Variants in BCAT1 observed in about 807,000 individuals in gnomAD.
The protein encoded by BCAT1 is branched chain amino acid transaminase 1, also known as branched-chain-amino-acid aminotransferase, cytosolic.
A neutral mutation model predicts 52.4 loss-of-function variants in BCAT1; 48 were observed. The ratio of observed to expected loss-of-function variants is 0.92; its 90% CI spans 0.73 to 1.16. The LOEUF is 1.16. Among genes scored for constraint, BCAT1 ranks in the 50% most tolerant of loss-of-function variants. The probability of loss-of-function intolerance (pLI) is 0.00; values close to 1 mark genes in which losing one functional copy is unlikely to be tolerated. For synonymous variants in BCAT1, 167 were observed against 161.3 expected (o/e 1.04, Z -0.27); for missense variants, 451 against 457.1 (o/e 0.99, Z 0.12).
intron 5 of BCAT1, among the ~76,000 whole-genome samples, chr12:24,853,842 T>G (rs977309931): frequency 1.3e-5 from 2 of 152,138 alleles, no homozygotes; most frequent in African/African-American, 4.8e-5. Context: ...CTCTACTAGC[T>G]TCCTGGAATA....
intron 1 of BCAT1, among the ~76,000 whole-genome samples, chr12:24,910,206 T>C (rs1943296085): frequency 6.6e-6 from 1 of 151,772 alleles, no homozygotes; most frequent in African/African-American, 2.4e-5. Context: ...AAACCCCGTC[T>C]CTACTAAAAA....
At chr12:24,834,740 G>T in intron 8 of BCAT1, 1 of 1,127,266 alleles carries the variant, frequency 8.9e-7, no homozygotes, top group Non-Finnish European at 1.1e-6. Context: ...TTGCAATTAT[G>T]TTGTTCAAAA....
At chr12:24,869,988 G>A (rs1942135964) in intron 5 of BCAT1, among the ~76,000 whole-genome samples, 1 of 148,302 alleles carries the variant, frequency 6.7e-6, no homozygotes, top group South Asian at 2.1e-4. Context: ...AAGGGTGTGT[G>A]TGTGTGTGTG....
chr12:24,844,894 C>CAAAAAAAAAAAAAAAA (rs11318750), intron 6 of BCAT1, among the ~76,000 whole-genome samples: 492 of 35,986 alleles, frequency 0.014, 13 homozygotes, highest in Middle Eastern at 0.045. Context: ...GAGACTGTCT[C>CAAAAAAAAAAAAAAAA]AAAAAAAAAA....
chr12:24,921,235 A>C (rs1421892413), intron 1 of BCAT1, among the ~76,000 whole-genome samples: 1 of 152,220 alleles, frequency 6.6e-6, no homozygotes, highest in Non-Finnish European at 1.5e-5. Context: ...CTAATATACA[A>C]AAAGACAGCA....
chr12:24,908,970 A>C (rs191432341), intron 1 of BCAT1, among the ~76,000 whole-genome samples: 142 of 152,336 alleles, frequency 9.3e-4, no homozygotes, highest in African/African-American at 3.2e-3. Context: ...GAAGATATCT[A>C]TAAAGGACTT....
chr12:24,849,998 C>T, intron 5 of BCAT1, 49 bp from the exon 6 acceptor site: 6 of 1,498,996 alleles, frequency 4.0e-6, no homozygotes, highest in Non-Finnish European at 5.4e-6. Context: ...ATGTGGACAC[C>T]AGTCTTAAAG....
rs1282215766 is a variant in BCAT1 at position 24,816,378 on chromosome 12, T to C, written c.*1630A>G. 1 of 396,226 alleles carries C rather than the reference T, an allele frequency of 2.5e-6. No homozygotes were observed. Among genetic ancestry groups the C allele is most frequent in the Non-Finnish European group, 4.4e-6 (1 of 225,020 alleles). 24.5% of individuals were successfully genotyped at this position (396,226 alleles called of 1,614,324 possible). Reference sequence around the variant, plus strand: ...AAAATACAATGTCTGAGAGTTGACCTTCCAAGGAAAAATGTTTTCTGTCAA... The same window carrying C: ...AAAATACAATGTCTGAGAGTTGACCCTCCAAGGAAAAATGTTTTCTGTCAA... On this transcript the variant is annotated 3_prime_UTR_variant, in exon 11 of 11. Coordinates refer to ENST00000261192, the MANE Select transcript of BCAT1 (RefSeq NM_005504.7).
chr12:24,948,526 G>T (rs1157883890), intron 1 of BCAT1, among the ~76,000 whole-genome samples: 1 of 152,182 alleles, frequency 6.6e-6, no homozygotes, highest in Non-Finnish European at 1.5e-5. Context: ...AACACACGCT[G>T]CAGGAAAGCG....
chr12:24,849,786 C>G lies in BCAT1; in HGVS notation c.674G>C (p.Gly225Ala). 1 of 1,603,292 alleles carries G rather than the reference C, an allele frequency of 6.2e-7. No individual in the cohort carries two copies. The highest frequency in any genetic ancestry group is 8.5e-7 in the Non-Finnish European group (1 of 1,172,716). Residue 225 changes from glycine (G) to alanine (A), a missense_variant and splice_region_variant, in exon 6 of 11, where the codon GGG becomes GCG. Transcript: ENST00000261192. ...TAGACAGAGACACAGATTTACTTAC[C>G]CTCCCATCTTGCAGTCCCCAGTTCC... ...KGGTGDCKMGGNYGSSLFAQC... is the reference protein window; with the variant it reads ...KGGTGDCKMGANYGSSLFAQC...
intron 1 of BCAT1, among the ~76,000 whole-genome samples, chr12:24,919,858 A>G (rs1161065552): frequency 6.6e-6 from 1 of 152,110 alleles, no homozygotes. Flanking sequence ...TAATTGTCTC[A>G]TGTTACCTGA....
chr12:24,867,168 G>C (rs1203489747), intron 5 of BCAT1, among the ~76,000 whole-genome samples: 1 of 151,734 alleles, frequency 6.6e-6, no homozygotes, highest in Non-Finnish European at 1.5e-5. Context: ...CTACCAGAAG[G>C]AAGAAACTCC....
chr12:24,834,047 G>T (rs191022672), intron 8 of BCAT1: 4 of 600,978 alleles, frequency 6.7e-6, no homozygotes, highest in Non-Finnish European at 8.3e-6. Flanking sequence ...GCCCAGGCTG[G>T]GCTCATGTGA....
chr12:24,936,723 T>TCTCTCA (rs201793932), intron 1 of BCAT1, among the ~76,000 whole-genome samples: 33 of 141,910 alleles, frequency 2.3e-4, no homozygotes, highest in South Asian at 9.1e-4. Context: ...TCTCTCTCTC[T>TCTCTCA]CACACACACA....
intron 1 of BCAT1, among the ~76,000 whole-genome samples, chr12:24,928,392 A>G (rs1303215485): frequency 2.0e-5 from 3 of 152,148 alleles, no homozygotes; most frequent in African/African-American, 7.2e-5. Flanking sequence ...TAATCCAGGC[A>G]CTTTGGGAGG....
rs748832076 is a variant in BCAT1, at chr12:24,842,123, C to CCCA, written c.773_775dup (p.Val258dup). Reference sequence around the variant, plus strand: ...CCAGTAAAGAAAAAGATTCATAGTTCCCACTTCAGTGATCTGATGGTCCTC... The same window carrying CCCA: ...CCAGTAAAGAAAAAGATTCATAGTTCCCACCACTTCAGTGATCTGATGGTCCTC... On this transcript the variant is annotated inframe_insertion, in exon 7 of 11. Transcript: ENST00000261192. 1 of 1,613,846 alleles carries CCCA rather than the reference C, an allele frequency of 6.2e-7. No individual in the cohort carries two copies.
In BCAT1 at chr12:24,894,446, G is replaced by A. The variant is rs1942913791; in HGVS notation, c.108C>T (p.Thr36=). 6.3e-7 allele frequency: 1 copy of A among 1,598,906 alleles called. No individual in the cohort carries two copies. The highest frequency in any genetic ancestry group is 1.3e-5 in the African/African-American group (1 of 74,794). ...KAKDLIVTPA[T]ILKEKPDPNN... The stretch of plus-strand genomic sequence containing the variant: ...TGGGGTCTGGTTTTTCCTTTAAAAT[G>A]GTAGCTGGTGTGACTATTAGGTCTT... The change falls in exon 3 of 11, where the codon ACC becomes ACT. Residue 36 remains threonine, a synonymous_variant. Coordinates refer to ENST00000261192, the MANE Select transcript of BCAT1 (RefSeq NM_005504.7).
intron 1 of BCAT1, among the ~76,000 whole-genome samples, chr12:24,920,341 G>A (rs1943483442): frequency 6.6e-6 from 1 of 152,172 alleles, no homozygotes; most frequent in South Asian, 2.1e-4. Flanking sequence ...CGCACTCTGT[G>A]GCATGGCTTA....
At chr12:24,884,425 C>T (rs1942597651) in intron 3 of BCAT1, among the ~76,000 whole-genome samples, 1 of 152,144 alleles carries the variant, frequency 6.6e-6, no homozygotes, top group African/African-American at 2.4e-5. Flanking sequence ...TATCGCACAG[C>T]ATGGTGACTG....
Sources: allele counts gnomAD v4.1 joint callset (sites outside exome capture counted in the v4.1 genomes callset), GRCh38; gene constraint gnomAD v4.1.1; transcripts MANE v1.5; gene names NCBI Gene and HGNC (gene_info 2026-07-23, HGNC 2026-07-21).